Variants in CBFA2T2 observed in about 807,000 individuals in gnomAD.
The protein encoded by CBFA2T2 is CBFA2/RUNX1 partner transcriptional co-repressor 2.
CBFA2T2 carries 11 observed loss-of-function variants against 62.2 expected under a neutral mutation model. That is an observed-to-expected ratio of 0.18 (90% CI 0.11 to 0.29). The LOEUF is 0.29. CBFA2T2 is among the 10% of genes least tolerant of loss of function. The probability of loss-of-function intolerance (pLI) is 1.00; values close to 1 mark genes in which losing one functional copy is unlikely to be tolerated. For synonymous variants in CBFA2T2, 295 were observed against 287.5 expected (o/e 1.03, Z -0.27); for missense variants, 592 against 774.1 (o/e 0.76, Z 2.79).
At position 33,611,326 on chromosome 20, in the gene CBFA2T2, T is replaced by C; in HGVS notation, c.411T>C (p.Leu137=). The change falls in exon 3 of 11, where the codon CTT becomes CTC. Residue 137 remains leucine, a synonymous_variant. Coordinates refer to ENST00000342704, the MANE Select transcript of CBFA2T2 (RefSeq NM_001032999.3). ...GGGAGAAGGTGCGGACTCTTGTTCT[T>C]GCACTGGTGGTAAGTACAGCCTCAC... ...EIGEKVRTLV[L]ALVNSTVTIE... 1 of 1,614,082 alleles carries C rather than the reference T, an allele frequency of 6.2e-7. No homozygotes were observed.
At chr20:33,498,139 C>T (rs1026623562) in intron 1 of CBFA2T2, among the ~76,000 whole-genome samples, 1 of 151,910 alleles carries the variant, frequency 6.6e-6, no homozygotes, top group Non-Finnish European at 1.5e-5. Context: ...TCATGTTGCC[C>T]AGGCTGGTCT....
At chr20:33,501,178 A>G (rs1287542104) in intron 1 of CBFA2T2, among the ~76,000 whole-genome samples, 1 of 152,186 alleles carries the variant, frequency 6.6e-6, no homozygotes, top group African/African-American at 2.4e-5. Flanking sequence ...CCTTTCAGTC[A>G]AATTAGCTGA....
At chr20:33,588,891 A>G (rs2014493015) in intron 1 of CBFA2T2, among the ~76,000 whole-genome samples, 1 of 152,106 alleles carries the variant, frequency 6.6e-6, no homozygotes, top group African/African-American at 2.4e-5. Flanking sequence ...GCAGTGAGCC[A>G]TGATCGCGCC....
At chr20:33,639,164 T>C (rs1209209069) in intron 9 of CBFA2T2, 1 of 152,366 alleles carries the variant, frequency 6.6e-6, no homozygotes, top group Non-Finnish European at 1.5e-5. Flanking sequence ...GTGCCACTTA[T>C]TCCTGCCTAA....
intron 10 of CBFA2T2, among the ~76,000 whole-genome samples, chr20:33,643,186 C>T (rs2016915721): frequency 6.6e-6 from 1 of 152,190 alleles, no homozygotes; most frequent in Admixed American, 6.5e-5. Flanking sequence ...GCCCTGACTT[C>T]TAGCCGAGTT....
Position 33,548,239 on chromosome 20 carries a change from AT to A in CBFA2T2, c.34+57943del, listed in dbSNP as rs2012634367. ...TTTATTTTGAGTACTGGGAGTTTTT[AT>A]TTTTATTTTTTTTATTTTTTTTTTG... On this transcript the variant is annotated intron_variant, in intron 1 of 10. Transcript: ENST00000342704. Among the ~76,000 whole-genome samples, 7 of 151,016 alleles carry A rather than the reference AT, an allele frequency of 4.6e-5. No homozygotes were observed. The South Asian group carries it at 1.5e-3, about 32-fold the overall frequency.
intron 3 of CBFA2T2, among the ~76,000 whole-genome samples, chr20:33,614,885 T>G (rs2015652003): frequency 6.6e-6 from 1 of 152,186 alleles, no homozygotes; most frequent in African/African-American, 2.4e-5. Flanking sequence ...CCATCCAGGG[T>G]CCTAGATGCC....
intron 1 of CBFA2T2, among the ~76,000 whole-genome samples, chr20:33,517,523 C>G (rs2011623499): frequency 6.8e-6 from 1 of 148,100 alleles, no homozygotes; most frequent in Admixed American, 6.9e-5. Context: ...GATCTTGGCT[C>G]ACTGCAATCT....
rs1307160532 is a variant in CBFA2T2, at chr20:33,622,354, G to C, written c.511-761G>C. Among the ~76,000 whole-genome samples the C allele has an allele frequency of 2.6e-5, 4 of 152,104 alleles. No homozygotes were observed. The East Asian group carries it at 7.7e-4, about 29-fold the overall frequency. ...CCTTTCACTTGCTCATCTGTCCCTT[G>C]GGATTAAGCCTTTGCTTATGAGCCC... On this transcript the variant is annotated intron_variant, in intron 4 of 10. Coordinates refer to ENST00000342704, the MANE Select transcript of CBFA2T2 (RefSeq NM_001032999.3).
intron 1 of CBFA2T2, among the ~76,000 whole-genome samples, chr20:33,498,159 A>C (rs982493823): frequency 2.7e-5 from 4 of 148,924 alleles, no homozygotes; most frequent in Non-Finnish European, 6.0e-5. Context: ...TAGAACTCCT[A>C]GGCTCAAGTG....
Position 33,623,151 on chromosome 20 carries a change from T to C in CBFA2T2, c.547T>C (p.Cys183Arg), listed in dbSNP as rs1327543303. The C allele has an allele frequency of 6.2e-7, 1 of 1,614,252 alleles. No individual in the cohort carries two copies. Residue 183 changes from cysteine (C) to arginine (R), a missense_variant, in exon 5 of 11, where the codon TGC becomes CGC. By Grantham distance (180) the Cys-to-Arg change is radical. Coordinates refer to ENST00000342704, the MANE Select transcript of CBFA2T2 (RefSeq NM_001032999.3). ...LPLLQRELLH[C>R]ARAAKQTPSQ... ...CCTGCTGCAGCGGGAACTGCTGCAC[T>C]GCGCTCGGGCGGCCAAGCAGACCCC...
At position 33,625,055 on chromosome 20, in the gene CBFA2T2, T is replaced by C. The variant is rs2016172733; in HGVS notation, c.946+38T>C. Reference sequence around the variant, plus strand: ...AGCAGCATGGTAAATTCAGACTGGATTCTTGGATTTCTTTCCAACTCAATG... The same window carrying C: ...AGCAGCATGGTAAATTCAGACTGGACTCTTGGATTTCTTTCCAACTCAATG... On this transcript the variant is annotated intron_variant, in intron 6 of 10. Transcript: ENST00000342704. The C allele has an allele frequency of 2.5e-6, 4 of 1,580,228 alleles. No homozygotes were observed. In the East Asian group the frequency reaches 6.7e-5, roughly 27 times the overall value.
intron 1 of CBFA2T2, among the ~76,000 whole-genome samples, chr20:33,542,341 T>G (rs938485241): frequency 6.6e-5 from 10 of 152,194 alleles, no homozygotes; most frequent in African/African-American, 2.4e-4. Context: ...AGGAACTAGA[T>G]CTATTTTGTT....
chr20:33,521,506 T>C (rs1306833509), intron 1 of CBFA2T2, among the ~76,000 whole-genome samples: 1 of 152,176 alleles, frequency 6.6e-6, no homozygotes, highest in Admixed American at 6.5e-5. Flanking sequence ...AAAATGGTGT[T>C]TGTTTTAATC....
intron 1 of CBFA2T2, among the ~76,000 whole-genome samples, chr20:33,535,602 A>ATTTATTTT (rs2012184148): frequency 7.2e-6 from 1 of 138,504 alleles, no homozygotes; most frequent in African/African-American, 3.0e-5. Flanking sequence ...ATTGAGTTTT[A>ATTTATTTT]TTTTTATTTT....
chr20:33,574,587 T>A (rs1447190965), intron 1 of CBFA2T2, among the ~76,000 whole-genome samples: 1 of 152,202 alleles, frequency 6.6e-6, no homozygotes, highest in Admixed American at 6.5e-5. Context: ...ATTGTGCCAT[T>A]GCACTCCAGC....
chr20:33,530,164 A>T (rs567965159), intron 1 of CBFA2T2, among the ~76,000 whole-genome samples: 1 of 151,854 alleles, frequency 6.6e-6, no homozygotes, highest in Non-Finnish European at 1.5e-5. Flanking sequence ...GACTCAGGTG[A>T]TCCTCCTGCC....
At chr20:33,526,069 A>G (rs1403656667) in intron 1 of CBFA2T2, among the ~76,000 whole-genome samples, 1 of 152,108 alleles carries the variant, frequency 6.6e-6, no homozygotes. Context: ...GCTATGCTGT[A>G]CTTTAGAGGA....
intron 4 of CBFA2T2, among the ~76,000 whole-genome samples, chr20:33,622,854 G>A (rs1230728951): frequency 8.5e-5 from 13 of 152,196 alleles, no homozygotes; most frequent in Admixed American, 8.5e-4. Context: ...AGCTTTGACT[G>A]TATACTAGGC....
Sources: gnomAD v4.1 joint callset for allele counts (sites outside exome capture counted in the v4.1 genomes callset) on GRCh38, gnomAD v4.1.1 for gene constraint, MANE v1.5 for transcripts, NCBI Gene and HGNC (gene_info 2026-07-23, HGNC 2026-07-21) for gene names.